Variants in CDH13 observed in about 807,000 individuals in gnomAD.
CDH13 encodes cadherin-13.
In CDH13, 24 loss-of-function variants were observed where a neutral mutation model predicts 63.8. That is an observed-to-expected ratio of 0.38 (90% CI 0.27 to 0.53). The LOEUF (loss-of-function observed/expected upper bound fraction) is 0.53. Among genes scored for constraint, CDH13 ranks in the 20% least tolerant of loss-of-function variants. The pLI is 0.85. For missense variants in CDH13, 1,049 were observed against 903.1 expected, an observed-to-expected ratio of 1.16 and a Z score of -2.07; for synonymous variants, 503 against 355.3, an observed-to-expected ratio of 1.42 and a Z score of -4.67.
At chr16:82,992,737 C>A (rs973165400) in intron 2 of CDH13, among the ~76,000 whole-genome samples, 3 of 152,136 alleles carry the variant, frequency 2.0e-5, no homozygotes, top group African/African-American at 7.2e-5. Context: ...TGGCATCAAG[C>A]AGATTAAAGT....
chr16:83,088,499 T>C (rs2033726085), intron 3 of CDH13, among the ~76,000 whole-genome samples: 1 of 152,226 alleles, frequency 6.6e-6, no homozygotes, highest in African/African-American at 2.4e-5. Context: ...ACTGCTGCTC[T>C]AGGATCAGTA....
At chr16:82,688,204 T>TAGCC (rs986489774) in intron 1 of CDH13, among the ~76,000 whole-genome samples, 1 of 152,194 alleles carries the variant, frequency 6.6e-6, no homozygotes, top group Non-Finnish European at 1.5e-5. Flanking sequence ...AACACTGGTA[T>TAGCC]AGCCTGGCAG....
rs754966 is a variant in CDH13, at chr16:83,289,008, G to A, written c.637-55854G>A. Among the ~76,000 whole-genome samples, 1,016 of 152,312 alleles carry A rather than the reference G, an allele frequency of 6.7e-3. 3 individuals are homozygous for A. The highest frequency in any genetic ancestry group is 0.011 in the Non-Finnish European group (770 of 68,022). ...CTGCTCGCTACAGTTCCCGTAAGGG[G>A]TTGGAACACCACCTTTTTGAAATAG... On this transcript the variant is annotated intron_variant, in intron 5 of 13. Coordinates refer to ENST00000567109, the MANE Select transcript of CDH13 (RefSeq NM_001257.5).
chr16:82,759,617 A>C (rs1308138271), intron 1 of CDH13, among the ~76,000 whole-genome samples: 2 of 151,390 alleles, frequency 1.3e-5, no homozygotes, highest in Non-Finnish European at 2.9e-5. Context: ...ATAACATAAA[A>C]ATGACTTTGG....
chr16:83,061,939 G>A (rs2031591667), intron 3 of CDH13, among the ~76,000 whole-genome samples: 2 of 152,232 alleles, frequency 1.3e-5, no homozygotes, highest in South Asian at 4.1e-4. Context: ...TAGAGAGGCT[G>A]TGAGAACTGT....
At chr16:83,714,106 G>A (rs940922327) in intron 10 of CDH13, among the ~76,000 whole-genome samples, 5 of 152,114 alleles carry the variant, frequency 3.3e-5, no homozygotes, top group South Asian at 4.1e-4. Flanking sequence ...GCTGCCCTAC[G>A]CCAAATCAGG....
rs144921197 is a variant in CDH13, at chr16:82,798,535, G to A, written c.46-59827G>A. Among the ~76,000 whole-genome samples the A allele has an allele frequency of 4.1e-3, 630 of 152,250 alleles. 4 individuals are homozygous for A. The highest frequency in any genetic ancestry group is 0.014 in the African/African-American group (591 of 41,548). On this transcript the variant is annotated intron_variant, in intron 1 of 13. Transcript: ENST00000567109. ...TGTGAGGCTGAAGGGATGATAGTAGGGTGAGCCGTAAATACAGGTTAACTG... is the reference window on the plus strand; with the variant it reads ...TGTGAGGCTGAAGGGATGATAGTAGAGTGAGCCGTAAATACAGGTTAACTG...
intron 10 of CDH13, among the ~76,000 whole-genome samples, chr16:83,681,630 C>A (rs1480543992): frequency 6.6e-6 from 1 of 152,126 alleles, no homozygotes; most frequent in South Asian, 2.1e-4. Flanking sequence ...CCTCTCCTCT[C>A]CTGGAGTAAA....
intron 5 of CDH13, among the ~76,000 whole-genome samples, chr16:83,273,702 A>C: frequency 6.6e-6 from 1 of 152,228 alleles, no homozygotes; most frequent in Non-Finnish European, 1.5e-5. Flanking sequence ...CATAGGTTTC[A>C]AGTTAACTAC....
rs1177357281 is a variant in CDH13, at chr16:83,043,871, AC to A, written c.366+11655del. Among the ~76,000 whole-genome samples, 3 of 152,074 alleles carry A rather than the reference AC, an allele frequency of 2.0e-5. No homozygotes were observed. In the East Asian group the frequency reaches 5.8e-4, roughly 29 times the overall value. On this transcript the variant is annotated intron_variant, in intron 3 of 13. Coordinates refer to ENST00000567109, the MANE Select transcript of CDH13 (RefSeq NM_001257.5). ...TCAATATGAACATTATTCATAAGAT[AC>A]CTTTTTACATTCTTCTTTTCATATT...
chr16:83,245,889 C>T (rs183681132), intron 5 of CDH13, among the ~76,000 whole-genome samples: 173 of 152,166 alleles, frequency 1.1e-3, no homozygotes, highest in Admixed American at 3.1e-3. Context: ...ACTACAGGCA[C>T]GCACCACCAT....
intron 6 of CDH13, among the ~76,000 whole-genome samples, chr16:83,375,887 G>T (rs540156639): frequency 3.7e-4 from 56 of 152,222 alleles, no homozygotes; most frequent in African/African-American, 1.3e-3. Context: ...GAAAGGGCTG[G>T]AAAGGCCATG....
At chr16:82,929,158 A>T (rs17675602) in intron 2 of CDH13, among the ~76,000 whole-genome samples, 13,184 of 152,246 alleles carry the variant, frequency 0.087, 794 homozygotes, top group Non-Finnish European at 0.13. Flanking sequence ...TCACTAAAGT[A>T]TAGCATATAT....
At chr16:83,156,293 A>G (rs757282752) in intron 4 of CDH13, among the ~76,000 whole-genome samples, 1 of 152,214 alleles carries the variant, frequency 6.6e-6, no homozygotes, top group African/African-American at 2.4e-5. Context: ...CTTTAAAAGC[A>G]TGCGTATTAA....
rs377028079 is a variant in CDH13 at position 83,137,045 on chromosome 16, C to T, written c.483+11544C>T. Among the ~76,000 whole-genome samples the T allele has an allele frequency of 8.5e-4, 130 of 152,310 alleles. 1 individual carries two copies. In the South Asian group the frequency reaches 0.015, roughly 17 times the overall value. ...CGGCACTGGCCTTGGGACTCAGGGA[C>T]CGTGACACTGGAAGGGGTCAGGGGG... On this transcript the variant is annotated intron_variant, in intron 4 of 13. Transcript: ENST00000567109.
chr16:83,533,737 C>T (rs2075131509), intron 7 of CDH13, among the ~76,000 whole-genome samples: 1 of 150,244 alleles, frequency 6.7e-6, no homozygotes, highest in South Asian at 2.1e-4. Context: ...TCTCTTGCCT[C>T]ACCCTCCTGA....
At chr16:83,357,673 A>G (rs943081663) in intron 6 of CDH13, among the ~76,000 whole-genome samples, 1 of 152,200 alleles carries the variant, frequency 6.6e-6, no homozygotes, top group Non-Finnish European at 1.5e-5. Context: ...ACATACGTCA[A>G]TGCATAGAAC....
intron 5 of CDH13, among the ~76,000 whole-genome samples, chr16:83,297,857 C>G (rs2089638710): frequency 1.3e-5 from 2 of 151,986 alleles, no homozygotes; most frequent in Admixed American, 1.3e-4. Flanking sequence ...AAAGTGAGAT[C>G]CAGACCTTTC....
At chr16:83,756,329 T>C (rs1913504025) in intron 11 of CDH13, among the ~76,000 whole-genome samples, 1 of 152,114 alleles carries the variant, frequency 6.6e-6, no homozygotes, top group South Asian at 2.1e-4. Context: ...ATCAGCAAAC[T>C]GGATGCTACA....
Sources: allele counts gnomAD v4.1 joint callset (sites outside exome capture counted in the v4.1 genomes callset), GRCh38; gene constraint gnomAD v4.1.1; transcripts MANE v1.5; gene names NCBI Gene and HGNC (gene_info 2026-07-23, HGNC 2026-07-21).